The following PNLIPRP3 variants were observed in gnomAD, a reference collection of about 807,000 sequenced individuals.
The protein encoded by PNLIPRP3 is pancreatic lipase related protein 3.
A neutral mutation model predicts 52.8 loss-of-function variants in PNLIPRP3; 58 were observed. That is an observed-to-expected ratio of 1.10 (90% CI 0.89 to 1.37). The LOEUF is 1.37. Ranked by LOEUF, PNLIPRP3 falls within the 40% of genes most tolerant of loss-of-function variation. PNLIPRP3 has a pLI of 0.00. For missense variants in PNLIPRP3, 593 were observed against 561.6 expected, an observed-to-expected ratio of 1.06 and a Z score of -0.57; for synonymous variants, 192 against 185.0, an observed-to-expected ratio of 1.04 and a Z score of -0.31.
intron 5 of PNLIPRP3, among the ~76,000 whole-genome samples, chr10:116,457,305 G>A (rs1347225507): frequency 6.6e-6 from 1 of 152,166 alleles, no homozygotes; most frequent in Admixed American, 6.5e-5. Flanking sequence ...GGCCACAGAA[G>A]CGTATTTTCT....
chr10:116,432,851 A>G (rs1375206614), intron 1 of PNLIPRP3, among the ~76,000 whole-genome samples: 6 of 152,104 alleles, frequency 3.9e-5, no homozygotes, highest in Non-Finnish European at 8.8e-5. Flanking sequence ...ACGGTGGCTC[A>G]TGCCTGTAAT....
chr10:116,453,093 C>T (rs1392414077), intron 4 of PNLIPRP3, among the ~76,000 whole-genome samples: 2 of 152,232 alleles, frequency 1.3e-5, no homozygotes, highest in African/African-American at 4.8e-5. Flanking sequence ...CAGGGCTGCC[C>T]AAGGCCTTGG....
At chr10:116,474,482 C>A (rs1217499109) in intron 10 of PNLIPRP3, among the ~76,000 whole-genome samples, 1 of 152,134 alleles carries the variant, frequency 6.6e-6, no homozygotes, top group Non-Finnish European at 1.5e-5. Flanking sequence ...TTCGACACAG[C>A]AAAACAAACT....
Position 116,444,520 on chromosome 10 carries a change from A to G in PNLIPRP3, c.456+7A>G, listed in dbSNP as rs746670492. On this transcript the variant is annotated splice_region_variant and intron_variant, in intron 4 of 11. Coordinates refer to ENST00000369230, the MANE Select transcript of PNLIPRP3 (RefSeq NM_001011709.3). ...TTTTATTGATGTTCTCATGGTAAGA[A>G]GAGTTGATTTTTTTTTAATTATATT... 13 of 1,605,974 alleles carry G rather than the reference A, an allele frequency of 8.1e-6. No homozygotes were observed. The highest frequency in any genetic ancestry group is 1.3e-5 in the African/African-American group (1 of 74,282).
chr10:116,453,907 G>A (rs1415533905), intron 4 of PNLIPRP3, among the ~76,000 whole-genome samples: 3 of 152,142 alleles, frequency 2.0e-5, no homozygotes, highest in Non-Finnish European at 4.4e-5. Flanking sequence ...GCATTCATTA[G>A]GTATTTGTCT....
rs548691178 is a variant in PNLIPRP3 at position 116,468,826 on chromosome 10, A to G, written c.928-359A>G. The stretch of plus-strand genomic sequence containing the variant: ...CTATTACACGTATTCAGTGTTGCCA[A>G]TTGCTTTAATGTTTGCAAATCTGCT... On this transcript the variant is annotated intron_variant, in intron 8 of 11. Coordinates refer to ENST00000369230, the MANE Select transcript of PNLIPRP3 (RefSeq NM_001011709.3). Among the ~76,000 whole-genome samples, 3 of 152,336 alleles carry G rather than the reference A, an allele frequency of 2.0e-5. No homozygotes were observed. The East Asian group carries it at 5.8e-4, about 29-fold the overall frequency.
intron 5 of PNLIPRP3, among the ~76,000 whole-genome samples, chr10:116,460,629 AT>A (rs1846177577): frequency 6.6e-6 from 1 of 152,082 alleles, no homozygotes; most frequent in African/African-American, 2.4e-5. Context: ...ATTTAATTTA[AT>A]TTTTTGCCTA....
chr10:116,448,005 A>T (rs2133126766), intron 4 of PNLIPRP3, among the ~76,000 whole-genome samples: 1 of 117,856 alleles, frequency 8.5e-6, no homozygotes, highest in South Asian at 3.5e-4. Flanking sequence ...AGAGAGAGAG[A>T]GAGAAAAGGA....
intron 1 of PNLIPRP3, among the ~76,000 whole-genome samples, chr10:116,431,487 A>G (rs1845709548): frequency 6.6e-6 from 1 of 152,170 alleles, no homozygotes; most frequent in Admixed American, 6.5e-5. Flanking sequence ...GCTATGGTAA[A>G]CATACTGTAT....
intron 4 of PNLIPRP3, among the ~76,000 whole-genome samples, chr10:116,445,074 T>C (rs2133123271): frequency 6.6e-6 from 1 of 152,360 alleles, no homozygotes. Context: ...AAATGCAGTG[T>C]AGTAAAATCT....
At chr10:116,448,201 T>G (rs1207853679) in intron 4 of PNLIPRP3, among the ~76,000 whole-genome samples, 1 of 152,072 alleles carries the variant, frequency 6.6e-6, no homozygotes, top group African/African-American at 2.4e-5. Flanking sequence ...ACAAAAGTAT[T>G]AAGAATAACT....
In PNLIPRP3 at chr10:116,443,129, A is replaced by T; in HGVS notation, c.279A>T (p.Ile93=). The change falls in exon 3 of 12, where the codon ATA becomes ATT. Residue 93 remains isoleucine (I), a synonymous_variant. Coordinates refer to ENST00000369230, the MANE Select transcript of PNLIPRP3 (RefSeq NM_001011709.3). ...FGTDKITRIN[I]AGWKTDGKWQ... is the part of the protein sequence containing the mutation. Reference sequence around the variant, plus strand: ...CAGACAAGATCACCCGTATCAACATAGCTGGATGGAAAACAGATGGCAAAT... The same window carrying T: ...CAGACAAGATCACCCGTATCAACATTGCTGGATGGAAAACAGATGGCAAAT... The T allele has an allele frequency of 8.1e-6, 13 of 1,612,074 alleles. No homozygotes were observed. Among genetic ancestry groups the T allele is most frequent in the Non-Finnish European group, 1.1e-5 (13 of 1,178,726 alleles).
chr10:116,450,778 C>T (rs140607622), intron 4 of PNLIPRP3, among the ~76,000 whole-genome samples: 1 of 152,108 alleles, frequency 6.6e-6, no homozygotes, highest in African/African-American at 2.4e-5. Context: ...TCTGAACAGA[C>T]CTGTATTAAA....
chr10:116,446,537 C>T lies in PNLIPRP3; in HGVS notation c.456+2024C>T, dbSNP rs143834777. ...TATTTGATCAAATGAAAAATGTATG[C>T]AAGTATAAATCAATTGCTTGATTTT... On this transcript the variant is annotated intron_variant, in intron 4 of 11. Coordinates refer to ENST00000369230, the MANE Select transcript of PNLIPRP3 (RefSeq NM_001011709.3). Among the ~76,000 whole-genome samples the T allele has an allele frequency of 7.9e-3, 1,194 of 151,986 alleles. 14 individuals carry two copies. Among genetic ancestry groups the T allele is most frequent in the African/African-American group, 0.027 (1,133 of 41,434 alleles).
chr10:116,455,810 C>A lies in PNLIPRP3; in HGVS notation c.545C>A (p.Pro182Gln), dbSNP rs577367112. 3.1e-6 allele frequency: 5 copies of A among 1,613,842 alleles called. No homozygotes were observed. In the South Asian group the frequency reaches 3.3e-5, roughly 11 times the overall value. The change falls in exon 5 of 12, where the codon CCA (proline) becomes CAA (glutamine). Residue 182 changes from proline to glutamine, a missense_variant. By Grantham distance (76) the Pro-to-Gln change is moderately conservative. Coordinates refer to ENST00000369230, the MANE Select transcript of PNLIPRP3 (RefSeq NM_001011709.3). ...GCTGGGGAAGCTGGGTCAAGGATAC[C>A]AGGCCTTGGAAGAATAACTGGTAAG... is the stretch of plus-strand genomic sequence containing the variant. Reference protein sequence around the residue: ...HLAGEAGSRIPGLGRITGLDP... With the variant: ...HLAGEAGSRIQGLGRITGLDP...
chr10:116,460,918 T>A (rs986412550), intron 5 of PNLIPRP3, 48 bp from the exon 6 acceptor site: 1 of 1,593,682 alleles, frequency 6.3e-7, no homozygotes, highest in South Asian at 1.1e-5. Flanking sequence ...GTAACAACAA[T>A]ATTAATGTGC....
intron 8 of PNLIPRP3, among the ~76,000 whole-genome samples, chr10:116,466,904 G>A (rs917084672): frequency 1.3e-5 from 2 of 152,126 alleles, no homozygotes; most frequent in East Asian, 1.9e-4. Flanking sequence ...GCAGATGGAC[G>A]GGTTTAGGCC....
At chr10:116,462,322 AATAT>A (rs955921550) in intron 7 of PNLIPRP3, among the ~76,000 whole-genome samples, 4 of 146,806 alleles carry the variant, frequency 2.7e-5, no homozygotes, top group Non-Finnish European at 6.0e-5. Flanking sequence ...TAATAATAAT[AATAT>A]ATATATATAT....
intron 1 of PNLIPRP3, among the ~76,000 whole-genome samples, chr10:116,431,447 G>A (rs1274507381): frequency 1.3e-5 from 2 of 150,130 alleles, no homozygotes; most frequent in Non-Finnish European, 3.0e-5. Flanking sequence ...CATTACAAAT[G>A]TTAGGGTTTT....
Sources: gnomAD v4.1 joint callset for allele counts (sites outside exome capture counted in the v4.1 genomes callset) on GRCh38, gnomAD v4.1.1 for gene constraint, MANE v1.5 for transcripts, NCBI Gene and HGNC (gene_info 2026-07-23, HGNC 2026-07-21) for gene names.